Variants in C10orf67 observed in about 807,000 individuals in gnomAD.
The protein encoded by C10orf67 is uncharacterized protein C10orf67, mitochondrial.
In C10orf67, 60 loss-of-function variants were observed where a neutral mutation model predicts 35.6. The observed-to-expected ratio is 1.68, with a 90% CI of 1.37 to 2.09. The LOEUF (loss-of-function observed/expected upper bound fraction) is 2.09. C10orf67 is among the 30% of genes most tolerant of loss of function. The pLI is 0.00. For missense variants in C10orf67, 474 were observed against 330.2 expected, an observed-to-expected ratio of 1.44 and a Z score of -3.38; for synonymous variants, 167 against 115.8, an observed-to-expected ratio of 1.44 and a Z score of -2.84.
At position 23,339,868 on chromosome 10, in the gene C10orf67, A is replaced by G. The variant is rs111314781; in HGVS notation, c.206+4701T>C. ...TGTCTGGACCCTGAGTGCTACATCA[A>G]TATAGTAAATATAAACAGCCATGGG... is the stretch of plus-strand genomic sequence containing the variant. On this transcript the variant is annotated intron_variant, in intron 1 of 15. Coordinates refer to ENST00000636213, the MANE Select transcript of C10orf67 (RefSeq NM_001371909.1). Among the ~76,000 whole-genome samples the G allele has an allele frequency of 1.4e-3, 212 of 152,330 alleles. 2 individuals are homozygous for G. The highest frequency in any genetic ancestry group is 5.0e-3 in the African/African-American group (206 of 41,578).
intron 4 of C10orf67, among the ~76,000 whole-genome samples, chr10:23,315,887 T>C (rs536836533): frequency 3.9e-5 from 6 of 152,108 alleles, no homozygotes; most frequent in African/African-American, 1.4e-4. Context: ...AGCACAATCA[T>C]GGCTCACTGT....
chr10:23,216,521 C>G (rs1841435287), intron 15 of C10orf67, among the ~76,000 whole-genome samples: 1 of 151,950 alleles, frequency 6.6e-6, no homozygotes, highest in Non-Finnish European at 1.5e-5. Context: ...CACATATACA[C>G]TATGAGAAAT....
chr10:23,204,396 C>G, intron 15 of C10orf67, 141 bp from the exon 16 acceptor site: 1 of 404,204 alleles, frequency 2.5e-6, no homozygotes, highest in Non-Finnish European at 4.4e-6. Context: ...AGAGCCTCTT[C>G]AGGAACCTGG....
intron 13 of C10orf67, among the ~76,000 whole-genome samples, chr10:23,229,535 T>G (rs981770751): frequency 5.3e-5 from 8 of 151,910 alleles, no homozygotes; most frequent in Admixed American, 2.0e-4. Flanking sequence ...ATACATATGT[T>G]ACAAACCTGC....
intron 12 of C10orf67, among the ~76,000 whole-genome samples, chr10:23,240,206 CCA>C (rs149959399): frequency 4.0e-5 from 6 of 150,896 alleles, no homozygotes; most frequent in Non-Finnish European, 7.4e-5. Flanking sequence ...AAACCAAAAA[CCA>C]CACACACACA....
intron 13 of C10orf67, among the ~76,000 whole-genome samples, chr10:23,239,201 TACCTTA>T (rs1466677634): frequency 6.6e-6 from 1 of 152,170 alleles, no homozygotes; most frequent in African/African-American, 2.4e-5. Flanking sequence ...AGGTATCAAT[TACCTTA>T]ACATTTAGAA....
At chr10:23,336,272 T>A (rs187669361) in intron 1 of C10orf67, among the ~76,000 whole-genome samples, 3 of 152,022 alleles carry the variant, frequency 2.0e-5, no homozygotes, top group Non-Finnish European at 4.4e-5. Flanking sequence ...GACAATGGAA[T>A]GGAATGGGAA....
At chr10:23,202,160 C>A (rs1308173208), downstream of C10orf67, 2 of 152,260 alleles carry the variant, frequency 1.3e-5, no homozygotes, top group African/African-American at 2.4e-5. Flanking sequence ...CCCCGGTATT[C>A]TCCTCCAAAC....
intron 10 of C10orf67, among the ~76,000 whole-genome samples, chr10:23,254,293 C>T (rs1241658920): frequency 3.3e-5 from 5 of 152,090 alleles, no homozygotes; most frequent in Non-Finnish European, 7.3e-5. Context: ...CTGCAACCTC[C>T]GCCTCCCAGG....
chr10:23,247,088 A>G (rs556451224), intron 12 of C10orf67, among the ~76,000 whole-genome samples: 1 of 152,344 alleles, frequency 6.6e-6, no homozygotes, highest in Admixed American at 6.5e-5. Flanking sequence ...AAAGTAAAAA[A>G]ATCACAGTAA....
chr10:23,261,319 T>C (rs555640537), intron 10 of C10orf67, among the ~76,000 whole-genome samples: 4 of 152,276 alleles, frequency 2.6e-5, no homozygotes, highest in African/African-American at 4.8e-5. Context: ...TTAAGACACA[T>C]TTCTTTGTTT....
chr10:23,219,974 C>A (rs1383585139), intron 15 of C10orf67, among the ~76,000 whole-genome samples: 1 of 151,946 alleles, frequency 6.6e-6, no homozygotes, highest in East Asian at 1.9e-4. Context: ...GAGTTGGAGA[C>A]CAGTCTAGAT....
chr10:23,291,631 C>T (rs898497935), intron 5 of C10orf67, among the ~76,000 whole-genome samples: 6 of 152,142 alleles, frequency 3.9e-5, no homozygotes, highest in African/African-American at 1.4e-4. Context: ...AAGTGCTGTC[C>T]GCCTGTAACT....
At chr10:23,276,701 A>T (rs1047236709) in intron 8 of C10orf67, among the ~76,000 whole-genome samples, 3 of 152,192 alleles carry the variant, frequency 2.0e-5, no homozygotes, top group Non-Finnish European at 1.5e-5. Flanking sequence ...ATCTAGGAAT[A>T]CAACAGCACA....
intron 12 of C10orf67, among the ~76,000 whole-genome samples, chr10:23,246,827 T>C (rs1474545776): frequency 6.6e-6 from 1 of 151,620 alleles, no homozygotes; most frequent in Non-Finnish European, 1.5e-5. Flanking sequence ...AAGGAAAAAA[T>C]TATATAAGTA....
At chr10:23,221,476 A>G (rs1279988349) in intron 15 of C10orf67, among the ~76,000 whole-genome samples, 1 of 152,136 alleles carries the variant, frequency 6.6e-6, no homozygotes, top group Non-Finnish European at 1.5e-5. Flanking sequence ...GTATTAAACT[A>G]TTTCCGGGGG....
At chr10:23,251,508 G>A (rs1564472316) in intron 10 of C10orf67, among the ~76,000 whole-genome samples, 2 of 152,190 alleles carry the variant, frequency 1.3e-5, no homozygotes, top group Admixed American at 6.5e-5. Context: ...CAAAATGAAT[G>A]AATCTCTAAT....
chr10:23,319,405 C>T (rs553229617), intron 4 of C10orf67, among the ~76,000 whole-genome samples: 4 of 152,156 alleles, frequency 2.6e-5, no homozygotes, highest in South Asian at 4.2e-4. Flanking sequence ...TCCAGTCCAC[C>T]GTTGATGGGC....
chr10:23,254,337 A>G (rs1842542882), intron 10 of C10orf67, among the ~76,000 whole-genome samples: 1 of 152,132 alleles, frequency 6.6e-6, no homozygotes, highest in Admixed American at 6.6e-5. Flanking sequence ...CTTCCCGAGT[A>G]GCTGGGATTA....
Sources: allele counts gnomAD v4.1 joint callset (sites outside exome capture counted in the v4.1 genomes callset), GRCh38; gene constraint gnomAD v4.1.1; transcripts MANE v1.5; gene names NCBI Gene and HGNC (gene_info 2026-07-23, HGNC 2026-07-21).